Variants in ZFX observed in about 807,000 individuals in gnomAD.
ZFX encodes zinc finger X-chromosomal protein.
For missense variants in ZFX, 362 were observed against 628.3 expected (o/e 0.58, Z 4.53); for synonymous variants, 196 against 226.8 (o/e 0.86, Z 1.22).
chrX:24,186,842 G>GAACTATT (rs1936156424), intron 5 of ZFX, among the ~76,000 whole-genome samples: 2 of 111,353 alleles, frequency 1.8e-5, no homozygotes, highest in Admixed American at 1.9e-4. Flanking sequence ...TTGAGGACAG[G>GAACTATT]AACTATTTAC....
At chrX:24,156,908 C>T (rs914002649) in intron 3 of ZFX, among the ~76,000 whole-genome samples, 1 of 111,676 alleles carries the variant, frequency 9.0e-6, no homozygotes, top group African/African-American at 3.3e-5. Flanking sequence ...CCCACCTCGG[C>T]CTCTCAAAGT....
intron 4 of ZFX, chrX:24,173,680 G>A (rs1372838536): frequency 4.3e-6 from 3 of 692,728 alleles, no homozygotes; most frequent in Admixed American, 5.4e-5. Flanking sequence ...CCGCCTCCCA[G>A]GCTCAAGTGA....
chrX:24,212,617 G>C lies in ZFX; in HGVS notation c.*1241G>C, dbSNP rs1602001727. 1 of 112,212 alleles carries C rather than the reference G, an allele frequency of 8.9e-6. No homozygotes were observed. Among genetic ancestry groups the C allele is most frequent in the East Asian group, 2.8e-4 (1 of 3,568 alleles). 9.2% of individuals were successfully genotyped at this position (112,212 alleles called of 1,213,427 possible). A position where few individuals can be genotyped will look rare whatever the true frequency, so the allele number is the denominator to read the frequency against. ...AGACATGACTCCCACAGTTCTCTTTGAGAAGCCTGAGAGGGAACTCTGTCT... is the reference window on the plus strand; with the variant it reads ...AGACATGACTCCCACAGTTCTCTTTCAGAAGCCTGAGAGGGAACTCTGTCT... On this transcript the variant is annotated 3_prime_UTR_variant, in exon 10 of 10. Transcript: ENST00000304543.
chrX:24,177,251 AT>A (rs1490950845), intron 4 of ZFX, among the ~76,000 whole-genome samples: 1 of 112,031 alleles, frequency 8.9e-6, no homozygotes, highest in African/African-American at 3.2e-5. Flanking sequence ...TTTATTTTAT[AT>A]TTTTGATAAG....
At position 24,158,105 on chromosome X, in the gene ZFX, A is replaced by G. The variant is rs1224769411; in HGVS notation, c.-29+5275A>G. Reference sequence around the variant, plus strand: ...CACAAGATATGATAAAAGTCTGTCTAAATAAGTCTGAATTGTCTTGATAAA... The same window carrying G: ...CACAAGATATGATAAAAGTCTGTCTGAATAAGTCTGAATTGTCTTGATAAA... On this transcript the variant is annotated intron_variant, in intron 3 of 9. Transcript: ENST00000304543. 2.7e-5 allele frequency among the ~76,000 whole-genome samples: 3 copies of G among 111,923 alleles called. No individual in the cohort carries two copies. The East Asian group carries it at 8.3e-4, about 31-fold the overall frequency.
intron 5 of ZFX, among the ~76,000 whole-genome samples, chrX:24,193,900 T>G (rs1371790645): frequency 2.7e-5 from 3 of 111,832 alleles, no homozygotes; most frequent in African/African-American, 9.8e-5. Flanking sequence ...CAACCATCAG[T>G]ATCATCCATC....
At chrX:24,173,562 G>A (rs888454970) in intron 4 of ZFX, 3 of 1,138,368 alleles carry the variant, frequency 2.6e-6, no homozygotes, top group Admixed American at 2.8e-5. Flanking sequence ...ATTATATAAC[G>A]TTGTAAAGTG....
At position 24,205,065 on chromosome X, in the gene ZFX, A is replaced by G. The variant is rs994017712; in HGVS notation, c.647-2261A>G. ...CTGAATAAAACAATGTCCATCCAAA[A>G]GGAAAACAGATATGTCTAGCAGAGG... On this transcript the variant is annotated intron_variant, in intron 5 of 9. Transcript: ENST00000304543. Among the ~76,000 whole-genome samples, 3 of 112,381 alleles carry G rather than the reference A, an allele frequency of 2.7e-5. No homozygotes were observed. The Admixed American group carries it at 2.8e-4, about 11-fold the overall frequency.
intron 3 of ZFX, among the ~76,000 whole-genome samples, chrX:24,155,620 A>G (rs1932747712): frequency 8.9e-6 from 1 of 112,442 alleles, no homozygotes; most frequent in East Asian, 2.8e-4. Context: ...CCAAAATGGC[A>G]AATTGTCTTC....
chrX:24,182,345 A>G (rs1935754066), intron 5 of ZFX, among the ~76,000 whole-genome samples: 1 of 111,780 alleles, frequency 8.9e-6, no homozygotes, highest in Non-Finnish European at 1.9e-5. Flanking sequence ...TCTCCAGAGC[A>G]TGCTTGTCGA....
chrX:24,163,831 TAAAAAAAAG>T (rs1328904892), intron 3 of ZFX, among the ~76,000 whole-genome samples: 1 of 65,308 alleles, frequency 1.5e-5, no homozygotes, highest in African/African-American at 6.5e-5. Flanking sequence ...CCCCCTCTTT[TAAAAAAAAG>T]AAAAAAAAAA....
chrX:24,211,843 T>G lies in ZFX; in HGVS notation c.*467T>G, dbSNP rs969916082. 8.6e-6 allele frequency: 1 copy of G among 116,173 alleles called. No individual in the cohort carries two copies. The highest frequency in any genetic ancestry group is 3.2e-5 in the African/African-American group (1 of 30,838). 9.6% of individuals were successfully genotyped at this position (116,173 alleles called of 1,213,427 possible). A position where few individuals can be genotyped will look rare whatever the true frequency, so the allele number is the denominator to read the frequency against. On this transcript the variant is annotated 3_prime_UTR_variant, in exon 10 of 10. Coordinates refer to ENST00000304543, the MANE Select transcript of ZFX (RefSeq NM_003410.4). ...ATAAATGGGAGATTTTACAGTCAGGTCTAATTATCATAACATGGAAGTCAT... is the reference window on the plus strand; with the variant it reads ...ATAAATGGGAGATTTTACAGTCAGGGCTAATTATCATAACATGGAAGTCAT...
At chrX:24,152,449 A>G (rs1932292763) in intron 2 of ZFX, among the ~76,000 whole-genome samples, 1 of 111,782 alleles carries the variant, frequency 8.9e-6, no homozygotes, top group African/African-American at 3.3e-5. Flanking sequence ...CTAGAATTTT[A>G]TGATGGAAAC....
intron 2 of ZFX, among the ~76,000 whole-genome samples, chrX:24,152,352 C>T (rs1014453827): frequency 1.8e-5 from 2 of 110,648 alleles, no homozygotes; most frequent in Non-Finnish European, 3.8e-5. Flanking sequence ...AGGCTGGTCT[C>T]GAACTCCTGA....
At chrX:24,152,191 A>G (rs1366054571) in intron 2 of ZFX, among the ~76,000 whole-genome samples, 1 of 106,839 alleles carries the variant, frequency 9.4e-6, no homozygotes, top group Non-Finnish European at 1.9e-5. Context: ...GCTGGAGTGC[A>G]GTGGTGTGAT....
At chrX:24,153,296 C>G (rs1932417755) in intron 3 of ZFX, among the ~76,000 whole-genome samples, 1 of 111,515 alleles carries the variant, frequency 9.0e-6, no homozygotes, top group Non-Finnish European at 1.9e-5. Context: ...TGATAAAGAG[C>G]CAAGTCTCCC....
intron 5 of ZFX, among the ~76,000 whole-genome samples, chrX:24,181,115 A>G (rs1006035847): frequency 6.2e-5 from 7 of 112,634 alleles, no homozygotes; most frequent in Non-Finnish European, 1.9e-5. Context: ...ATTTAATATA[A>G]CATTAATATA....
intron 5 of ZFX, among the ~76,000 whole-genome samples, chrX:24,192,981 T>G (rs1191684640): frequency 1.8e-5 from 2 of 111,562 alleles, no homozygotes; most frequent in Admixed American, 1.9e-4. Context: ...AAGAGATCAT[T>G]TCTTATCTTT....
At chrX:24,162,609 A>G (rs1255853310) in intron 3 of ZFX, among the ~76,000 whole-genome samples, 1 of 111,962 alleles carries the variant, frequency 8.9e-6, no homozygotes, top group East Asian at 2.8e-4. Flanking sequence ...TTATAAAGTG[A>G]TAACTGACAT....
Sources: gnomAD v4.1 joint callset for allele counts (sites outside exome capture counted in the v4.1 genomes callset) on GRCh38, gnomAD v4.1.1 for gene constraint, MANE v1.5 for transcripts, NCBI Gene and HGNC (gene_info 2026-07-23, HGNC 2026-07-21) for gene names.